SYTL5: variants seen among roughly 807,000 people sequenced by gnomAD.
SYTL5 encodes the protein synaptotagmin like 5, also known as synaptotagmin-like protein 5.
SYTL5 carries 34 observed loss-of-function variants against 55.9 expected under a neutral mutation model. The observed-to-expected ratio is 0.61, with a 90% CI of 0.46 to 0.81. SYTL5 has a LOEUF of 0.81. SYTL5 is among the 30% of genes least tolerant of loss of function. The pLI is 0.00. For synonymous variants in SYTL5, 221 were observed against 188.7 expected (o/e 1.17, Z -1.40); for missense variants, 637 against 546.7 (o/e 1.17, Z -1.65).
At chrX:38,118,191 T>A (rs968713507) in intron 13 of SYTL5, among the ~76,000 whole-genome samples, 2 of 111,411 alleles carry the variant, frequency 1.8e-5, no homozygotes, top group African/African-American at 6.5e-5. Context: ...TACCATATAA[T>A]CTCATTTTTG....
At chrX:38,072,539 C>G (rs1271042997) in intron 4 of SYTL5, among the ~76,000 whole-genome samples, 1 of 112,085 alleles carries the variant, frequency 8.9e-6, no homozygotes, top group Non-Finnish European at 1.9e-5. Flanking sequence ...ATATTTATTT[C>G]CGATTTCCTT....
the SYTL5 span, among the ~76,000 whole-genome samples, chrX:37,993,003 T>C: frequency 1.9e-5 from 2 of 102,898 alleles, no homozygotes; most frequent in Admixed American, 2.1e-4. Flanking sequence ...GATCCAAATA[T>C]AAAAAAAAAA....
the SYTL5 span, among the ~76,000 whole-genome samples, chrX:37,948,023 G>A: frequency 8.9e-6 from 1 of 111,885 alleles, no homozygotes; most frequent in African/African-American, 3.2e-5. Flanking sequence ...AATACACAGA[G>A]TTCCAAATCT....
chrX:38,119,803 T>C (rs1003923703), intron 13 of SYTL5, among the ~76,000 whole-genome samples: 2 of 112,451 alleles, frequency 1.8e-5, no homozygotes, highest in Non-Finnish European at 3.8e-5. Context: ...CCACCAACAA[T>C]GTTTGAGTGA....
At chrX:37,904,270 G>C in the SYTL5 span, among the ~76,000 whole-genome samples, 542 of 105,337 alleles carry the variant, frequency 5.1e-3, no homozygotes, top group Middle Eastern at 9.3e-3. Context: ...TGGTCCGGGG[G>C]GGGGGGTGAT....
chrX:38,120,541 T>C (rs1233006260), intron 14 of SYTL5, 75 bp downstream of exon 14: 1 of 769,557 alleles, frequency 1.3e-6, no homozygotes, highest in African/African-American at 2.1e-5. Context: ...CAGGGATTGG[T>C]TGCATTATAT....
At chrX:38,103,744 C>T (rs974235881) in intron 10 of SYTL5, among the ~76,000 whole-genome samples, 1 of 110,909 alleles carries the variant, frequency 9.0e-6, no homozygotes. Context: ...TTGCATCTCT[C>T]GGAACAGATA....
intron 1 of SYTL5, among the ~76,000 whole-genome samples, chrX:38,028,544 A>G (rs982150252): frequency 2.7e-5 from 3 of 112,367 alleles, no homozygotes; most frequent in East Asian, 2.8e-4. Flanking sequence ...GCTCAAAAGA[A>G]GAGTTTTCTT....
chrX:37,959,625 T>C, the SYTL5 span, among the ~76,000 whole-genome samples: 1 of 111,955 alleles, frequency 8.9e-6, no homozygotes, highest in Non-Finnish European at 1.9e-5. Context: ...CCTTATGACC[T>C]AATTCTCTAA....
intron 2 of SYTL5, among the ~76,000 whole-genome samples, chrX:38,042,656 C>T: frequency 9.0e-6 from 1 of 111,064 alleles, no homozygotes. Flanking sequence ...TTGGCACTCA[C>T]ATCCCAAGAA....
intron 6 of SYTL5, among the ~76,000 whole-genome samples, chrX:38,087,387 T>C (rs1936683737): frequency 8.9e-6 from 1 of 112,082 alleles, no homozygotes; most frequent in Non-Finnish European, 1.9e-5. Context: ...AGAAATGTCA[T>C]GCTTCAGGTA....
chrX:38,106,530 T>A lies in SYTL5; in HGVS notation c.1156-63T>A. ...AGGAACTATAATTGAATGAAATGAG[T>A]TGATTCTGTGAAGAGATCATTAGAA... On this transcript the variant is annotated intron_variant, in intron 10 of 16. Coordinates refer to ENST00000297875, the MANE Select transcript of SYTL5 (RefSeq NM_138780.3). 3 of 989,799 alleles carry A rather than the reference T, an allele frequency of 3.0e-6. No homozygotes were observed. In the South Asian group the frequency reaches 8.3e-5, roughly 27 times the overall value. The allele number at this position is 989,799 out of a possible 1,213,427, so 81.6% of individuals were successfully genotyped here.
At chrX:38,106,139 G>A (rs1937205772) in intron 10 of SYTL5, among the ~76,000 whole-genome samples, 2 of 111,946 alleles carry the variant, frequency 1.8e-5, no homozygotes, top group African/African-American at 3.3e-5. Flanking sequence ...AAAGAAAGCA[G>A]TATGTGGCTC....
the SYTL5 span, among the ~76,000 whole-genome samples, chrX:37,981,090 C>T: frequency 8.9e-6 from 1 of 112,229 alleles, no homozygotes; most frequent in Admixed American, 9.4e-5. Context: ...AACCGTGAAT[C>T]TCTTCCAAAG....
chrX:37,938,547 C>T, the SYTL5 span, among the ~76,000 whole-genome samples: 1 of 111,706 alleles, frequency 9.0e-6, no homozygotes, highest in African/African-American at 3.3e-5. Context: ...GAGGATGATC[C>T]CTAACCCACA....
intron 1 of SYTL5, among the ~76,000 whole-genome samples, chrX:38,025,901 C>T (rs1177520345): frequency 2.7e-5 from 3 of 112,059 alleles, no homozygotes; most frequent in Non-Finnish European, 5.6e-5. Flanking sequence ...TTGGTTAGCA[C>T]ACAGCAAACA....
chrX:38,034,558 G>C (rs1039815397), intron 2 of SYTL5, among the ~76,000 whole-genome samples: 1 of 112,241 alleles, frequency 8.9e-6, no homozygotes, highest in Non-Finnish European at 1.9e-5. Flanking sequence ...GACCTGGAGA[G>C]TAAAAATTTC....
At chrX:38,120,229 G>A (rs749058155) in intron 13 of SYTL5, 129 bp from the exon 14 acceptor site, 4 of 474,571 alleles carry the variant, frequency 8.4e-6, no homozygotes, top group East Asian at 3.6e-5. Flanking sequence ...CAGTGAGAGC[G>A]AACAGAGTTG....
intron 2 of SYTL5, among the ~76,000 whole-genome samples, chrX:38,043,907 CTATT>C (rs1461795380): frequency 9.2e-6 from 1 of 108,254 alleles, no homozygotes; most frequent in African/African-American, 3.4e-5. Context: ...TGTTTCTTAA[CTATT>C]TATTCTTATT....
Sources: allele counts gnomAD v4.1 joint callset (sites outside exome capture counted in the v4.1 genomes callset), GRCh38; gene constraint gnomAD v4.1.1; transcripts MANE v1.5; gene names NCBI Gene and HGNC (gene_info 2026-07-23, HGNC 2026-07-21).